The following LHPP variants were observed in gnomAD, a reference collection of about 807,000 sequenced individuals.
LHPP encodes the protein phospholysine phosphohistidine inorganic pyrophosphate phosphatase, also known as hLHPP.
A neutral mutation model predicts 30.3 loss-of-function variants in LHPP; 24 were observed. That is an observed-to-expected ratio of 0.79 (90% confidence interval 0.57 to 1.11). The LOEUF (loss-of-function observed/expected upper bound fraction) is 1.11, where lower values mean the gene tolerates loss of function less well. Ranked by LOEUF, LHPP falls within the 50% of genes most tolerant of loss-of-function variation. The probability of loss-of-function intolerance (pLI) is 0.00; values close to 1 mark genes in which losing one functional copy is unlikely to be tolerated. For synonymous variants in LHPP, 150 were observed against 157.1 expected (o/e 0.95, Z 0.34); for missense variants, 356 against 367.2 (o/e 0.97, Z 0.25).
intron 5 of LHPP, among the ~76,000 whole-genome samples, chr10:124,508,497 G>A (rs945464551): frequency 2.0e-5 from 3 of 152,140 alleles, no homozygotes; most frequent in African/African-American, 7.2e-5. Context: ...GGAGCTTCCG[G>A]CCCTGGCTTT....
intron 6 of LHPP, among the ~76,000 whole-genome samples, chr10:124,580,721 CTT>C (rs369288920): frequency 1.3e-5 from 1 of 75,720 alleles, no homozygotes. Flanking sequence ...TTTTTTTTTT[CTT>C]TTTTTTTTTT....
chr10:124,479,171 A>G (rs960181035), intron 1 of LHPP, among the ~76,000 whole-genome samples: 1 of 151,914 alleles, frequency 6.6e-6, no homozygotes, highest in African/African-American at 2.4e-5. Flanking sequence ...GGTGGGGGCC[A>G]TGGTCTCAGA....
At position 124,479,764 on chromosome 10, in the gene LHPP, C is replaced by G. The variant is rs1034402711; in HGVS notation, c.126-4375C>G. Among the ~76,000 whole-genome samples, 14 of 152,340 alleles carry G rather than the reference C, an allele frequency of 9.2e-5. 1 individual carries two copies. The highest frequency in any genetic ancestry group is 7.2e-4 in the Admixed American group (11 of 15,304). On this transcript the variant is annotated intron_variant, in intron 1 of 6. Transcript: ENST00000368842. ...GAATTACTCCACAAAGGCCCTGTCT[C>G]CAGATGCAGTCACATTGGGGGTTAG...
At chr10:124,516,162 C>CT (rs1954448488) in intron 5 of LHPP, among the ~76,000 whole-genome samples, 3 of 152,228 alleles carry the variant, frequency 2.0e-5, no homozygotes, top group Admixed American at 6.5e-5. Context: ...GTTCTGGAGG[C>CT]TTGAAGCCTG....
intron 2 of LHPP, among the ~76,000 whole-genome samples, chr10:124,485,151 C>T (rs1451154421): frequency 4.6e-5 from 7 of 152,066 alleles, no homozygotes; most frequent in Admixed American, 4.6e-4. Context: ...ACTTCATAGC[C>T]CTGGTGCCAG....
intron 6 of LHPP, among the ~76,000 whole-genome samples, chr10:124,525,204 T>A (rs1424409590): frequency 6.6e-6 from 1 of 152,208 alleles, no homozygotes; most frequent in African/African-American, 2.4e-5. Context: ...CCTCTGTGGC[T>A]CCAACACCCC....
At chr10:124,528,078 C>T (rs11245264) in intron 6 of LHPP, among the ~76,000 whole-genome samples, 8,995 of 140,498 alleles carry the variant, frequency 0.064, 381 homozygotes, top group East Asian at 0.2. Context: ...CCTTGCTTGG[C>T]TCTGGGTTTC....
chr10:124,571,978 C>G (rs548924009), intron 6 of LHPP, among the ~76,000 whole-genome samples: 7 of 152,212 alleles, frequency 4.6e-5, no homozygotes, highest in African/African-American at 1.2e-4. Flanking sequence ...GAGATTAATG[C>G]GAGTTCTGGG....
chr10:124,484,071 C>A, intron 1 of LHPP, 68 bp from the exon 2 acceptor site: 3 of 1,488,806 alleles, frequency 2.0e-6, no homozygotes, highest in Non-Finnish European at 2.8e-6. Flanking sequence ...AGAATCACCG[C>A]GCAACCTCCT....
At chr10:124,561,370 T>G (rs1049802051) in intron 6 of LHPP, among the ~76,000 whole-genome samples, 3 of 152,018 alleles carry the variant, frequency 2.0e-5, no homozygotes, top group Non-Finnish European at 2.9e-5. Context: ...AGGGTGGGAA[T>G]GAGGTCCCCC....
chr10:124,552,503 C>A (rs941109282), intron 6 of LHPP, among the ~76,000 whole-genome samples: 2 of 152,198 alleles, frequency 1.3e-5, no homozygotes, highest in African/African-American at 2.4e-5. Context: ...CCATCTCTAC[C>A]TGGAGGGAGA....
At chr10:124,500,626 G>A (rs1953870125) in intron 5 of LHPP, among the ~76,000 whole-genome samples, 1 of 151,422 alleles carries the variant, frequency 6.6e-6, no homozygotes, top group African/African-American at 2.4e-5. Flanking sequence ...CTCCTAACAT[G>A]GCCAACAGGC....
intron 6 of LHPP, among the ~76,000 whole-genome samples, chr10:124,559,399 G>T (rs1948355204): frequency 6.6e-6 from 1 of 152,226 alleles, no homozygotes; most frequent in Non-Finnish European, 1.5e-5. Context: ...TGCCCCTGTG[G>T]TGTATACCAG....
intron 6 of LHPP, among the ~76,000 whole-genome samples, chr10:124,548,643 C>T (rs1429411484): frequency 6.6e-6 from 1 of 152,214 alleles, no homozygotes; most frequent in African/African-American, 2.4e-5. Flanking sequence ...GGTGATGCTG[C>T]TCACTGAGCA....
intron 6 of LHPP, among the ~76,000 whole-genome samples, chr10:124,531,368 G>A (rs1329115428): frequency 6.6e-6 from 1 of 152,210 alleles, no homozygotes; most frequent in Non-Finnish European, 1.5e-5. Flanking sequence ...AGTTCCCGCA[G>A]CCTTCTCATT....
chr10:124,521,313 T>G (rs756761823), intron 6 of LHPP, among the ~76,000 whole-genome samples: 6 of 152,222 alleles, frequency 3.9e-5, no homozygotes, highest in African/African-American at 1.4e-4. Context: ...CCAGGCTCTA[T>G]GGAGCAGCAC....
At chr10:124,579,112 G>T (rs1328730684) in intron 6 of LHPP, among the ~76,000 whole-genome samples, 2 of 152,230 alleles carry the variant, frequency 1.3e-5, no homozygotes, top group Admixed American at 1.3e-4. Flanking sequence ...GATACATGTT[G>T]TAACGGGCTG....
At chr10:124,507,061 T>G (rs113519138) in intron 5 of LHPP, among the ~76,000 whole-genome samples, 4 of 2,206 alleles carry the variant, frequency 1.8e-3, no homozygotes, top group African/African-American at 5.4e-3. Context: ...ATTTCAGGTG[T>G]AGGGGTAGAC....
chr10:124,611,522 G>C (rs1165313634), intron 6 of LHPP, among the ~76,000 whole-genome samples: 1 of 150,370 alleles, frequency 6.7e-6, no homozygotes, highest in Non-Finnish European at 1.5e-5. Context: ...GAGGGGCTTA[G>C]GGGACAAGGG....
Sources: gnomAD v4.1 joint callset for allele counts (sites outside exome capture counted in the v4.1 genomes callset) on GRCh38, gnomAD v4.1.1 for gene constraint, MANE v1.5 for transcripts, NCBI Gene and HGNC (gene_info 2026-07-23, HGNC 2026-07-21) for gene names.